The following SLC4A10 variants were observed in gnomAD, a reference collection of about 807,000 sequenced individuals.
SLC4A10 encodes the protein sodium-driven chloride bicarbonate exchanger.
SLC4A10 carries 42 observed loss-of-function variants against 137.7 expected under a neutral mutation model. The ratio of observed to expected loss-of-function variants is 0.30; its 90% confidence interval spans 0.24 to 0.39. SLC4A10 has a LOEUF of 0.39. Ranked by LOEUF, SLC4A10 falls within the 10% of genes least tolerant of loss-of-function variation. The pLI, the probability that SLC4A10 is intolerant of heterozygous loss-of-function variation, is 1.00. For synonymous variants in SLC4A10, 474 were observed against 464.1 expected, an observed-to-expected ratio of 1.02 and a Z score of -0.27; for missense variants, 925 against 1,355.0, an observed-to-expected ratio of 0.68 and a Z score of 4.98.
intron 3 of SLC4A10, among the ~76,000 whole-genome samples, chr2:161,824,305 T>C (rs2057866474): frequency 6.6e-6 from 1 of 152,118 alleles, no homozygotes; most frequent in African/African-American, 2.4e-5. Flanking sequence ...GAAGACATCA[T>C]GAAACTCTAG....
At chr2:161,812,519 T>C (rs77263098) in intron 3 of SLC4A10, among the ~76,000 whole-genome samples, 4,276 of 152,094 alleles carry the variant, frequency 0.028, 181 homozygotes, top group African/African-American at 0.097. Context: ...TTCCCTACCC[T>C]CCTTCCCAGC....
chr2:161,670,279 T>C (rs1471807148), intron 1 of SLC4A10, among the ~76,000 whole-genome samples: 1 of 147,902 alleles, frequency 6.8e-6, no homozygotes, highest in African/African-American at 2.5e-5. Flanking sequence ...TCCTCTTTTC[T>C]TCTCTTCCTC....
chr2:161,788,339 AG>A (rs1162233603), intron 2 of SLC4A10, among the ~76,000 whole-genome samples: 1 of 151,866 alleles, frequency 6.6e-6, no homozygotes, highest in Non-Finnish European at 1.5e-5. Context: ...TTCTGACAGT[AG>A]GTTTTTTATT....
chr2:161,876,555 G>A (rs2061460317), intron 8 of SLC4A10, among the ~76,000 whole-genome samples: 1 of 152,042 alleles, frequency 6.6e-6, no homozygotes, highest in Non-Finnish European at 1.5e-5. Context: ...TGGCGCACCT[G>A]TAGTCCCAGC....
At chr2:161,686,460 C>T (rs1441829345) in intron 1 of SLC4A10, among the ~76,000 whole-genome samples, 1 of 152,134 alleles carries the variant, frequency 6.6e-6, no homozygotes, top group Non-Finnish European at 1.5e-5. Flanking sequence ...CATTCACTTA[C>T]AGGTACAGAT....
At chr2:161,723,180 A>T (rs897695706) in intron 1 of SLC4A10, among the ~76,000 whole-genome samples, 1 of 152,116 alleles carries the variant, frequency 6.6e-6, no homozygotes, top group African/African-American at 2.4e-5. Flanking sequence ...CACTAGTGGC[A>T]TGGGTTCATG....
At chr2:161,953,128 A>G (rs189448807) in intron 19 of SLC4A10, among the ~76,000 whole-genome samples, 1 of 152,300 alleles carries the variant, frequency 6.6e-6, no homozygotes, top group East Asian at 1.9e-4. Flanking sequence ...TTTGTAGTTT[A>G]TGTATCAAAC....
chr2:161,882,567 A>C (rs1414981280), intron 10 of SLC4A10, 123 bp downstream of exon 10: 1 of 496,426 alleles, frequency 2.0e-6, no homozygotes, highest in Non-Finnish European at 3.5e-6. Context: ...CCATTCTCCC[A>C]TGCTTCTGCT....
chr2:161,705,812 C>T (rs1411917270), intron 1 of SLC4A10, among the ~76,000 whole-genome samples: 1 of 151,508 alleles, frequency 6.6e-6, no homozygotes, highest in Non-Finnish European at 1.5e-5. Flanking sequence ...AAGATACACT[C>T]TTTTGGCTCT....
chr2:161,631,844 G>A (rs1402419553), intron 1 of SLC4A10, among the ~76,000 whole-genome samples: 2 of 151,612 alleles, frequency 1.3e-5, no homozygotes, highest in Non-Finnish European at 3.0e-5. Context: ...TGAAAATGGA[G>A]ATTAATCTAC....
At chr2:161,974,436 AGAAC>A (rs1377543607) in intron 24 of SLC4A10, 120 bp downstream of exon 24, 3 of 768,748 alleles carry the variant, frequency 3.9e-6, no homozygotes, top group Admixed American at 3.6e-5. Context: ...AAGAGTAGAA[AGAAC>A]GAAGAGTTAG....
chr2:161,649,836 C>T (rs2036549654), intron 1 of SLC4A10, among the ~76,000 whole-genome samples: 3 of 151,390 alleles, frequency 2.0e-5, no homozygotes, highest in Admixed American at 6.6e-5. Flanking sequence ...AGGTATTTAA[C>T]CTTATTATTT....
chr2:161,697,486 G>C (rs888055387), intron 1 of SLC4A10, among the ~76,000 whole-genome samples: 9 of 152,098 alleles, frequency 5.9e-5, no homozygotes, highest in Non-Finnish European at 1.0e-4. Flanking sequence ...TTTTGTACAA[G>C]GTGTAAGGAA....
At chr2:161,842,452 A>G (rs540245997) in intron 4 of SLC4A10, among the ~76,000 whole-genome samples, 14 of 151,834 alleles carry the variant, frequency 9.2e-5, no homozygotes, top group Non-Finnish European at 8.8e-5. Flanking sequence ...ATCTTTTCCT[A>G]TGTTTTTATT....
chr2:161,687,861 T>C (rs991934360), intron 1 of SLC4A10, among the ~76,000 whole-genome samples: 2 of 152,188 alleles, frequency 1.3e-5, no homozygotes, highest in African/African-American at 4.8e-5. Context: ...CCTTCTGCCA[T>C]GATTGTAGGT....
intron 21 of SLC4A10, among the ~76,000 whole-genome samples, chr2:161,960,399 A>C: frequency 6.7e-6 from 1 of 150,036 alleles, no homozygotes; most frequent in Non-Finnish European, 1.5e-5. Flanking sequence ...AGAGGGGAGA[A>C]CACAGAGAGA....
chr2:161,624,452 C>T lies in SLC4A10; in HGVS notation c.-67C>T. 8 of 1,549,750 alleles carry T rather than the reference C, an allele frequency of 5.2e-6. No homozygotes were observed. In the South Asian group the frequency reaches 8.3e-5, roughly 16 times the overall value. ...ATCCGAATACTAAGCAGAGCGAGTG[C>T]CGGGCTGAGTGTAAGACACTGAAGA... On this transcript the variant is annotated 5_prime_UTR_variant, in exon 1 of 27. Coordinates refer to ENST00000446997, the MANE Select transcript of SLC4A10 (RefSeq NM_001178015.2).
At chr2:161,661,990 C>T (rs774719469) in intron 1 of SLC4A10, among the ~76,000 whole-genome samples, 45 of 152,156 alleles carry the variant, frequency 3.0e-4, no homozygotes, top group Non-Finnish European at 4.7e-4. Flanking sequence ...TCAGAAAATA[C>T]GCTTTATGGA....
chr2:161,717,123 C>T (rs949023896), intron 1 of SLC4A10, among the ~76,000 whole-genome samples: 1 of 151,978 alleles, frequency 6.6e-6, no homozygotes, highest in Non-Finnish European at 1.5e-5. Flanking sequence ...TATAGGAATA[C>T]CTGTGATTTT....
Sources: gnomAD v4.1 joint callset for allele counts (sites outside exome capture counted in the v4.1 genomes callset) on GRCh38, gnomAD v4.1.1 for gene constraint, MANE v1.5 for transcripts, NCBI Gene and HGNC (gene_info 2026-07-23, HGNC 2026-07-21) for gene names.